KDM4C: variants seen among roughly 807,000 people sequenced by gnomAD.
The protein encoded by KDM4C is lysine-specific demethylase 4C.
Under a neutral mutation model 129.3 loss-of-function variants are expected in KDM4C, and 81 were observed. The observed-to-expected ratio is 0.63, with a 90% CI of 0.52 to 0.75. The LOEUF is 0.75. KDM4C is among the 30% of genes least tolerant of loss of function. The pLI, the probability that KDM4C is intolerant of heterozygous loss-of-function variation, is 0.00. For synonymous variants in KDM4C, 573 were observed against 456.1 expected (o/e 1.26, Z -3.26); for missense variants, 1,457 against 1,304.0 (o/e 1.12, Z -1.81).
intron 8 of KDM4C, among the ~76,000 whole-genome samples, chr9:6,894,653 A>C (rs901978486): frequency 2.6e-5 from 4 of 152,190 alleles, no homozygotes; most frequent in Non-Finnish European, 5.9e-5. Context: ...AGCCTTGGGG[A>C]GAAGCTAAAC....
chr9:6,753,568 C>A (rs1361651244), upstream of KDM4C, among the ~76,000 whole-genome samples: 1 of 152,172 alleles, frequency 6.6e-6, no homozygotes, highest in Non-Finnish European at 1.5e-5. Context: ...GTCATCTCAC[C>A]TGGCAGACTG....
At position 6,805,758 on chromosome 9, in the gene KDM4C, C is replaced by A. The variant is rs749351849; in HGVS notation, c.304C>A (p.Leu102Met). Reference protein sequence around the residue: ...KAMTVKEFRQLANSGKYCTPR... With the variant: ...KAMTVKEFRQMANSGKYCTPR... ...GATGACTGTGAAGGAGTTCAGGCAG[C>A]TGGCCAACAGTGGCAAGTGAGTAGA... Residue 102 changes from leucine to methionine, a missense_variant, in exon 3 of 22, where the codon CTG (leucine) becomes ATG (methionine). By Grantham distance (15) the Leu-to-Met change is conservative. Transcript: ENST00000381309. The A allele has an allele frequency of 6.2e-7, 1 of 1,612,012 alleles. No individual in the cohort carries two copies. Among genetic ancestry groups the A allele is most frequent in the East Asian group, 2.2e-5 (1 of 44,856 alleles).
rs1272574561 is a variant in KDM4C, at chr9:6,729,714, A to G, written c.49+8717A>G. Among the ~76,000 whole-genome samples, 2 of 134,900 alleles carry G rather than the reference A, an allele frequency of 1.5e-5. 1 individual carries two copies. Among genetic ancestry groups the G allele is most frequent in the African/African-American group, 6.3e-5 (2 of 31,884 alleles). The allele number at this position is 134,900 out of a possible 152,430, so 88.5% of individuals were successfully genotyped here. A position where few individuals can be genotyped will look rare whatever the true frequency, so the allele number is the denominator to read the frequency against. On this transcript the variant is annotated intron_variant, in intron 1 of 17. Coordinates refer to the KDM4C transcript ENST00000536108. ...GTTGCTAATGAGCTCTTGTAAAATC[A>G]GATGTCTGACCCATAAAAGCTAATG...
intron 10 of KDM4C, among the ~76,000 whole-genome samples, chr9:6,984,804 C>T (rs936040145): frequency 1.6e-5 from 2 of 121,482 alleles, no homozygotes; most frequent in African/African-American, 2.8e-5. Flanking sequence ...AAATAAAGAT[C>T]AAGGTTTTAA....
At chr9:6,909,316 T>C (rs1224489011) in intron 8 of KDM4C, among the ~76,000 whole-genome samples, 1 of 152,224 alleles carries the variant, frequency 6.6e-6, no homozygotes, top group Non-Finnish European at 1.5e-5. Flanking sequence ...GACAGAGAGC[T>C]GCAAAGTGCT....
chr9:6,784,517 C>T (rs1193587258), intron 1 of KDM4C, among the ~76,000 whole-genome samples: 1 of 152,108 alleles, frequency 6.6e-6, no homozygotes, highest in Non-Finnish European at 1.5e-5. Flanking sequence ...CAGGTGTGAG[C>T]CACCACACTC....
intron 15 of KDM4C, among the ~76,000 whole-genome samples, chr9:7,021,311 A>C (rs1232693511): frequency 6.6e-6 from 1 of 151,546 alleles, no homozygotes; most frequent in Non-Finnish European, 1.5e-5. Flanking sequence ...TGCCCGGCTA[A>C]TTTTTGTGTT....
In KDM4C at chr9:7,112,975, CT is replaced by C. The variant is rs34961626; in HGVS notation, c.2610+9114del. 9.0e-3 allele frequency among the ~76,000 whole-genome samples: 1,361 copies of C among 151,530 alleles called. 21 individuals carry two copies. The highest frequency in any genetic ancestry group is 0.03 in the African/African-American group (1,257 of 41,316). On this transcript the variant is annotated intron_variant, in intron 18 of 21. Coordinates refer to ENST00000381309, the MANE Select transcript of KDM4C (RefSeq NM_015061.6). ...AAAGTTTGTTTTGACCAGCTATACT[CT>C]TTTTTTTTCCTTAGACTTCTACATA...
At chr9:6,778,159 G>C (rs929167861) in intron 1 of KDM4C, among the ~76,000 whole-genome samples, 3 of 150,012 alleles carry the variant, frequency 2.0e-5, no homozygotes, top group Admixed American at 6.7e-5. Context: ...GCATGATCTC[G>C]TCTTACTGCA....
At chr9:6,827,900 G>A (rs1038250165) in intron 4 of KDM4C, among the ~76,000 whole-genome samples, 2 of 152,174 alleles carry the variant, frequency 1.3e-5, no homozygotes, top group Non-Finnish European at 2.9e-5. Flanking sequence ...CAGCTTGCAT[G>A]ACCCCAAAAG....
rs1824403772 is a variant in KDM4C at position 7,019,749 on chromosome 9, T to TTAAATTTAAATTTAAA, written c.2259+3821_2259+3822insAAATTTAAATTTAAAT. On this transcript the variant is annotated intron_variant, in intron 15 of 21. Coordinates refer to ENST00000381309, the MANE Select transcript of KDM4C (RefSeq NM_015061.6). The stretch of plus-strand genomic sequence containing the variant: ...ATTTTTATATATAAAAATATAATAT[T>TTAAATTTAAATTTAAA]TTTATATATAAAAATATAATATTTT... Among the ~76,000 whole-genome samples the TTAAATTTAAATTTAAA allele has an allele frequency of 1.4e-4, 15 of 110,018 alleles. No individual in the cohort carries two copies. In the Admixed American group the frequency reaches 1.5e-3, roughly 11 times the overall value. The allele number at this position is 110,018 out of a possible 152,430, so 72.2% of individuals were successfully genotyped here. A position where few individuals can be genotyped will look rare whatever the true frequency, so the allele number is the denominator to read the frequency against.
In KDM4C at chr9:7,115,331, T is replaced by A. The variant is rs904921508; in HGVS notation, c.2610+11461T>A. Among the ~76,000 whole-genome samples, 6 of 152,268 alleles carry A rather than the reference T, an allele frequency of 3.9e-5. No homozygotes were observed. In the South Asian group the frequency reaches 8.3e-4, roughly 21 times the overall value. ...AGCTTTTCAACAATTTGTACTTTTT[T>A]AAAAAAATAATTAAGGCACGCAGAA... On this transcript the variant is annotated intron_variant, in intron 18 of 21. Coordinates refer to ENST00000381309, the MANE Select transcript of KDM4C (RefSeq NM_015061.6).
At chr9:6,746,933 G>A (rs533556372) in intron 1 of KDM4C, among the ~76,000 whole-genome samples, 39 of 146,158 alleles carry the variant, frequency 2.7e-4, no homozygotes, top group African/African-American at 9.7e-4. Context: ...GTGAATCCGG[G>A]AGGCGGAGCT....
chr9:7,070,890 A>G (rs1309152542), intron 17 of KDM4C, among the ~76,000 whole-genome samples: 2 of 152,180 alleles, frequency 1.3e-5, no homozygotes, highest in African/African-American at 2.4e-5. Context: ...AATTCAAATC[A>G]TACTGATTGG....
intron 8 of KDM4C, among the ~76,000 whole-genome samples, chr9:6,927,916 C>T (rs1275913864): frequency 6.6e-6 from 1 of 152,176 alleles, no homozygotes; most frequent in Non-Finnish European, 1.5e-5. Flanking sequence ...CCAAAACAAC[C>T]AACCAGTCTG....
intron 8 of KDM4C, among the ~76,000 whole-genome samples, chr9:6,970,066 C>G (rs1228630604): frequency 1.3e-5 from 2 of 152,204 alleles, no homozygotes; most frequent in Non-Finnish European, 2.9e-5. Flanking sequence ...GCCAGTCTAG[C>G]TTCCCTAAAT....
At chr9:6,988,418 G>A (rs1216797792) in intron 11 of KDM4C, among the ~76,000 whole-genome samples, 1 of 152,020 alleles carries the variant, frequency 6.6e-6, no homozygotes, top group African/African-American at 2.4e-5. Flanking sequence ...AAGACTGACA[G>A]TAGAGAAACC....
chr9:6,851,959 A>T (rs1252932562), intron 5 of KDM4C, among the ~76,000 whole-genome samples: 1 of 152,206 alleles, frequency 6.6e-6, no homozygotes, highest in African/African-American at 2.4e-5. Context: ...CCTCCATCAG[A>T]CGCATTAAGA....
intron 15 of KDM4C, among the ~76,000 whole-genome samples, chr9:7,043,812 A>G (rs1828975751): frequency 6.6e-6 from 1 of 152,002 alleles, no homozygotes; most frequent in Admixed American, 6.6e-5. Flanking sequence ...AAATCATGGC[A>G]AAAATAACTT....
Sources: allele counts gnomAD v4.1 joint callset (sites outside exome capture counted in the v4.1 genomes callset), GRCh38; gene constraint gnomAD v4.1.1; transcripts MANE v1.5; gene names NCBI Gene and HGNC (gene_info 2026-07-23, HGNC 2026-07-21).